IL17RC: variants seen among roughly 807,000 people sequenced by gnomAD.
IL17RC encodes the protein interleukin 17 receptor C, also known as interleukin-17 receptor C.
A neutral mutation model predicts 86.7 loss-of-function variants in IL17RC; 53 were observed. The ratio of observed to expected loss-of-function variants is 0.61; its 90% CI spans 0.49 to 0.77. IL17RC has a LOEUF of 0.77. Ranked by LOEUF, IL17RC falls within the 30% of genes least tolerant of loss-of-function variation. The pLI is 0.00. For synonymous variants in IL17RC, 439 were observed against 413.1 expected (o/e 1.06, Z -0.76); for missense variants, 957 against 940.0 (o/e 1.02, Z -0.24).
Position 9,928,306 on chromosome 3 carries a change from C to G in IL17RC, c.879C>G (p.Asp293Glu). The change falls in exon 11 of 19, where the codon GAC (aspartate) becomes GAG (glutamate). Residue 293 changes from aspartate to glutamate, a missense_variant and splice_region_variant. By Grantham distance (45) the Asp-to-Glu change is conservative (BLOSUM62 2). Transcript: ENST00000403601. ...VRTNICPFRE[D>E]PRAHQNLWQA... ...GGTGACTGTGCCCTTTCCTTGCAGA[C>G]CCCCGCGCACACCAGAACCTCTGGC... 6.2e-7 allele frequency: 1 copy of G among 1,607,582 alleles called. No individual in the cohort carries two copies. The highest frequency in any genetic ancestry group is 8.5e-7 in the Non-Finnish European group (1 of 1,175,530).
At position 9,933,358 on chromosome 3, in the gene IL17RC, T is replaced by A. The variant is rs1186845436; in HGVS notation, c.1928T>A (p.Val643Glu). 1 of 1,611,742 alleles carries A rather than the reference T, an allele frequency of 6.2e-7. No homozygotes were observed. Among genetic ancestry groups the A allele is most frequent in the East Asian group, 2.2e-5 (1 of 44,834 alleles). The change falls in exon 19 of 19, where the codon GTA (valine) becomes GAA (glutamate). Residue 643 changes from valine to glutamate, a missense_variant. Transcript: ENST00000403601. ...CFDRLLHPDA[V>E]PALFRTVPVF... ...GACAGGCTGCTCCACCCGGACGCCG[T>A]ACCCGCCCTTTTCCGCACCGTGCCC... is the stretch of plus-strand genomic sequence containing the variant.
At chr3:9,923,176 CA>C (rs377645102) in intron 7 of IL17RC, among the ~76,000 whole-genome samples, 144 of 86,116 alleles carry the variant, frequency 1.7e-3, no homozygotes, top group Middle Eastern at 6.8e-3. Context: ...GACTCCATCT[CA>C]AAAAAAAAAA....
chr3:9,923,125 C>T (rs1460765077), intron 7 of IL17RC, among the ~76,000 whole-genome samples: 4 of 141,734 alleles, frequency 2.8e-5, no homozygotes, highest in Admixed American at 7.3e-5. Flanking sequence ...TGCAGTGAGC[C>T]GAGATCACAC....
chr3:9,919,539 G>A (rs1363602668), intron 5 of IL17RC, among the ~76,000 whole-genome samples: 5 of 152,028 alleles, frequency 3.3e-5, no homozygotes, highest in Non-Finnish European at 5.9e-5. Flanking sequence ...CCAGCTACTC[G>A]GGAGGCAGAG....
chr3:9,924,376 C>G lies in IL17RC; in HGVS notation c.822+85C>G, dbSNP rs377435226. ...TCCCTGCCTTCCTGGTCTCACCATT[C>G]TTCAAACCCTTCATTGAGGTGGAGA... On this transcript the variant is annotated intron_variant, in intron 9 of 18. Coordinates refer to ENST00000403601, the MANE Select transcript of IL17RC (RefSeq NM_153460.4). 1.7e-3 allele frequency: 2,316 copies of G among 1,359,350 alleles called. 49 individuals are homozygous for G. In the South Asian group the frequency reaches 0.024, roughly 14 times the overall value. The allele number at this position is 1,359,350 out of a possible 1,614,324, so 84.2% of individuals were successfully genotyped here. A position where few individuals can be genotyped will look rare whatever the true frequency, so the allele number is the denominator to read the frequency against.
chr3:9,931,464 C>CATATATATAT (rs1338301646), intron 16 of IL17RC, among the ~76,000 whole-genome samples: 35 of 10,770 alleles, frequency 3.2e-3, no homozygotes, highest in Admixed American at 7.3e-3. Flanking sequence ...CACACACACA[C>CATATATATAT]ACACACATAT....
In IL17RC at chr3:9,930,557, G is replaced by T. The variant is rs41276499; in HGVS notation, c.1338+98G>T. 11,055 of 1,243,460 alleles carry T rather than the reference G, an allele frequency of 8.9e-3. 57 individuals are homozygous for T. Among genetic ancestry groups the T allele is most frequent in the Non-Finnish European group, 0.011 (9,175 of 872,596 alleles). The allele number at this position is 1,243,460 out of a possible 1,614,324, so 77.0% of individuals were successfully genotyped here. Reference sequence around the variant, plus strand: ...TCTATTTAGGCTTATTTTATGTTCAGCCCTGGGAAAGTTAAGAGTAGAAGA... The same window carrying T: ...TCTATTTAGGCTTATTTTATGTTCATCCCTGGGAAAGTTAAGAGTAGAAGA... On this transcript the variant is annotated intron_variant, in intron 15 of 18. Coordinates refer to ENST00000403601, the MANE Select transcript of IL17RC (RefSeq NM_153460.4). The surrounding 1 kb of genome is among the most constrained non-coding windows in gnomAD (Gnocchi z 5.8).
Position 9,928,338 on chromosome 3 carries a change from C to T in IL17RC, c.911C>T (p.Ala304Val), listed in dbSNP as rs1378383668. The part of the protein sequence containing the change: ...PRAHQNLWQA[A>V]RLQLLTLQSW... ...GCACACCAGAACCTCTGGCAAGCCG[C>T]CCGACTGCAACTGCTGACCCTGCAG... The change falls in exon 11 of 19, where the codon GCC (alanine) becomes GTC (valine). Residue 304 changes from alanine (A) to valine (V), a missense_variant. By Grantham distance (64) the Ala-to-Val change is moderately conservative. Transcript: ENST00000403601. 6.2e-7 allele frequency: 1 copy of T among 1,603,944 alleles called. No individual in the cohort carries two copies.
In IL17RC at chr3:9,933,384, G is replaced by T; in HGVS notation, c.1954G>T (p.Val652Phe). Residue 652 changes from valine to phenylalanine, a missense_variant, in exon 19 of 19, where the codon GTC becomes TTC. Transcript: ENST00000403601. ...ACCCGCCCTTTTCCGCACCGTGCCCGTCTTCACACTGCCCTCCCAACTGCC... is the reference window on the plus strand; with the variant it reads ...ACCCGCCCTTTTCCGCACCGTGCCCTTCTTCACACTGCCCTCCCAACTGCC... ...AVPALFRTVP[V>F]FTLPSQLPDF... 2 of 1,613,028 alleles carry T rather than the reference G, an allele frequency of 1.2e-6. No homozygotes were observed. Among genetic ancestry groups the T allele is most frequent in the Non-Finnish European group, 1.7e-6 (2 of 1,179,698 alleles).
chr3:9,933,226 G>C lies in IL17RC; in HGVS notation c.1796G>C (p.Gly599Ala), dbSNP rs2084957758. ...CSEWLQDGVS[G>A]PGAHGPHDAF... ...GAGTGGCTACAGGATGGGGTGTCCG[G>C]GCCCGGGGCGCACGGCCCGCACGAC... is the stretch of plus-strand genomic sequence containing the variant. Residue 599 changes from glycine to alanine, a missense_variant, in exon 19 of 19, where the codon GGG becomes GCG. Gly to Ala is a moderately conservative substitution (Grantham distance 60). Transcript: ENST00000403601. 1 of 1,606,780 alleles carries C rather than the reference G, an allele frequency of 6.2e-7. No individual in the cohort carries two copies. Among genetic ancestry groups the C allele is most frequent in the Non-Finnish European group, 8.5e-7 (1 of 1,177,198 alleles).
rs576965061 is a variant in IL17RC at position 9,930,107 on chromosome 3, G to A, written c.1236G>A (p.Leu412=). Residue 412 remains leucine, a synonymous_variant, in exon 14 of 19, where the codon TTG becomes TTA. Transcript: ENST00000403601. This position sits in a 1 kb window ranked among gnomAD's most constrained non-coding sequence, Gnocchi z 5.8. The part of the protein sequence containing the change: ...GPQDNRSLCA[L]EPSGCTSLPS... The stretch of plus-strand genomic sequence containing the variant: ...AGGACAACAGATCCCTCTGTGCCTT[G>A]GAACCCAGTGGCTGTACTTCACTAC... 2 of 1,614,104 alleles carry A rather than the reference G, an allele frequency of 1.2e-6. No homozygotes were observed. The highest frequency in any genetic ancestry group is 3.3e-5 in the Admixed American group (2 of 60,020).
At chr3:9,919,608 T>G (rs978364418) in intron 5 of IL17RC, among the ~76,000 whole-genome samples, 2 of 152,058 alleles carry the variant, frequency 1.3e-5, no homozygotes, top group South Asian at 4.1e-4. Flanking sequence ...ATCGCGCCAC[T>G]GCACTCCAGC....
At chr3:9,919,641 G>A (rs188218065) in intron 5 of IL17RC, among the ~76,000 whole-genome samples, 116 of 151,908 alleles carry the variant, frequency 7.6e-4, no homozygotes, top group Non-Finnish European at 1.3e-3. Context: ...GCGAGATTCC[G>A]TCTCAAAAAA....
chr3:9,933,536 C>G lies in IL17RC; in HGVS notation c.2106C>G (p.Pro702=). ...GCTACTTCCATCCCCCGGGGACTCCCGCGCCGGGACGCGGGGTGGGACCAG... is the reference window on the plus strand; with the variant it reads ...GCTACTTCCATCCCCCGGGGACTCCGGCGCCGGGACGCGGGGTGGGACCAG... ...LDSYFHPPGT[P]APGRGVGPGA... The change falls in exon 19 of 19, where the codon CCC becomes CCG. Residue 702 remains proline (P), a synonymous_variant. Coordinates refer to ENST00000403601, the MANE Select transcript of IL17RC (RefSeq NM_153460.4). 1 of 1,606,162 alleles carries G rather than the reference C, an allele frequency of 6.2e-7. No homozygotes were observed. Among genetic ancestry groups the G allele is most frequent in the Non-Finnish European group, 8.5e-7 (1 of 1,176,844 alleles).
In IL17RC at chr3:9,928,723, G is replaced by C; in HGVS notation, c.1110+93G>C. 7.5e-6 allele frequency: 10 copies of C among 1,337,470 alleles called. No homozygotes were observed. In the South Asian group the frequency reaches 1.1e-4, roughly 15 times the overall value. The allele number at this position is 1,337,470 out of a possible 1,614,324, so 82.9% of individuals were successfully genotyped here. A position where few individuals can be genotyped will look rare whatever the true frequency, so the allele number is the denominator to read the frequency against. On this transcript the variant is annotated intron_variant, in intron 12 of 18. Coordinates refer to ENST00000403601, the MANE Select transcript of IL17RC (RefSeq NM_153460.4). ...TTAGTTCTTGGGCCGCTAAAGCATA[G>C]TGGTTGCCAGCTTCCTCTATGGGAG...
At chr3:9,918,145 G>T (rs2083262823) in intron 3 of IL17RC, 70 bp downstream of exon 3, 1 of 1,498,466 alleles carries the variant, frequency 6.7e-7, no homozygotes. Context: ...GAGGGCCAGG[G>T]GATCTCTCAA....
At chr3:9,918,233 C>T in intron 3 of IL17RC, 102 bp from the exon 4 acceptor site, 1 of 1,337,668 alleles carries the variant, frequency 7.5e-7, no homozygotes, top group Non-Finnish European at 1.0e-6. Context: ...CTCCCCAGCC[C>T]CTGCTTCCCA....
At chr3:9,922,311 T>A (rs906508218) in intron 7 of IL17RC, among the ~76,000 whole-genome samples, 1 of 150,634 alleles carries the variant, frequency 6.6e-6, no homozygotes, top group African/African-American at 2.5e-5. Flanking sequence ...ACATAAATAC[T>A]GTGAATACAT....
intron 9 of IL17RC, among the ~76,000 whole-genome samples, chr3:9,927,415 A>G (rs572340199): frequency 1.3e-5 from 2 of 151,980 alleles, no homozygotes; most frequent in African/African-American, 4.8e-5. Flanking sequence ...AAAATTAGCC[A>G]GGCATGGTGA....
Sources: allele counts gnomAD v4.1 joint callset (sites outside exome capture counted in the v4.1 genomes callset), GRCh38; gene constraint gnomAD v4.1.1; non-coding constraint Gnocchi (gnomAD v3.1); transcripts MANE v1.5; gene names NCBI Gene and HGNC (gene_info 2026-07-23, HGNC 2026-07-21).